Variants in SERPINB6 observed in about 807,000 individuals in gnomAD.
SERPINB6 encodes the protein serpin family B member 6.
A neutral mutation model predicts 26.1 loss-of-function variants in SERPINB6; 16 were observed. The observed-to-expected ratio is 0.61, with a 90% CI of 0.42 to 0.93. The LOEUF is 0.93. SERPINB6 is among the 40% of genes least tolerant of loss of function. The pLI, the probability that SERPINB6 is intolerant of heterozygous loss-of-function variation, is 0.00. For missense variants in SERPINB6, 420 were observed against 478.0 expected (o/e 0.88, Z 1.13); for synonymous variants, 174 against 176.6 (o/e 0.99, Z 0.11).
intron 1 of SERPINB6, among the ~76,000 whole-genome samples, chr6:2,964,865 C>G (rs138362888): frequency 1.4e-3 from 217 of 152,312 alleles, no homozygotes; most frequent in Non-Finnish European, 2.4e-3. Context: ...GGGTAGGGGT[C>G]TCACGCTGTC....
chr6:2,969,099 A>T (rs1771895907), intron 1 of SERPINB6: 3 of 1,073,234 alleles, frequency 2.8e-6, no homozygotes, highest in Non-Finnish European at 2.3e-6. Flanking sequence ...GAGAGATCCA[A>T]ATCCTAAAAG....
Position 2,954,937 on chromosome 6 carries a change from C to T in SERPINB6, c.313-228G>A. The T allele has an allele frequency of 1.4e-5, 7 of 511,892 alleles. 1 individual carries two copies. In the South Asian group the frequency reaches 1.6e-4, roughly 11 times the overall value. The allele number at this position is 511,892 out of a possible 1,614,324, so 31.7% of individuals were successfully genotyped here. ...AGGTACTGTGGCTTACACTTGTAAT[C>T]CCAGCACTTTGGGGGGCCGAGGCGG... On this transcript the variant is annotated intron_variant, in intron 3 of 6. Transcript: ENST00000380539.
rs756177399 is a variant in SERPINB6 at position 2,959,356 on chromosome 6, TA to T, written c.-10-15del. Reference sequence around the variant, plus strand: ...ATGATGGCAGACCTGGAACAAGATTTAAAATCAGTATCACTTAAGCACAGCT... The same window carrying T: ...ATGATGGCAGACCTGGAACAAGATTTAAATCAGTATCACTTAAGCACAGCT... On this transcript the variant is annotated splice_polypyrimidine_tract_variant and intron_variant, in intron 1 of 6. Transcript: ENST00000380539. 1.2e-6 allele frequency: 2 copies of T among 1,612,922 alleles called. No homozygotes were observed. The highest frequency in any genetic ancestry group is 2.2e-5 in the South Asian group (2 of 91,086).
At chr6:2,966,121 T>C (rs921272339) in intron 1 of SERPINB6, among the ~76,000 whole-genome samples, 11 of 152,180 alleles carry the variant, frequency 7.2e-5, no homozygotes, top group Admixed American at 3.9e-4. Context: ...GTTGAATGTT[T>C]AGGCCTTTAA....
At chr6:2,964,986 G>A (rs1202266475) in intron 1 of SERPINB6, among the ~76,000 whole-genome samples, 3 of 152,250 alleles carry the variant, frequency 2.0e-5, no homozygotes, top group South Asian at 4.1e-4. Context: ...ACAGGCACCC[G>A]GCCAAATTCT....
intron 5 of SERPINB6, among the ~76,000 whole-genome samples, chr6:2,951,928 G>A (rs982975752): frequency 3.3e-5 from 5 of 152,286 alleles, no homozygotes; most frequent in African/African-American, 9.6e-5. Flanking sequence ...CGGGACTGCT[G>A]AAGCCAGCTC....
At position 2,971,557 on chromosome 6, in the gene SERPINB6, G is replaced by C. The variant is rs940335998; in HGVS notation, c.-35C>G. 12 of 152,262 alleles carry C rather than the reference G, an allele frequency of 7.9e-5. No individual in the cohort carries two copies. Among genetic ancestry groups the C allele is most frequent in the African/African-American group, 2.9e-4 (12 of 41,456 alleles). The allele number at this position is 152,262 out of a possible 1,614,324, so 9.4% of individuals were successfully genotyped here. A position where few individuals can be genotyped will look rare whatever the true frequency, so the allele number is the denominator to read the frequency against. ...CTCCAGAGCGGGGAGCGAGCGAGCA[G>C]AACGGCGGGCAGAGGCGCCGGAGCC... On this transcript the variant is annotated 5_prime_UTR_variant, in exon 1 of 7. Coordinates refer to ENST00000380539, the MANE Select transcript of SERPINB6 (RefSeq NM_004568.6).
intron 1 of SERPINB6, chr6:2,968,735 A>G (rs548329278): frequency 8.1e-7 from 1 of 1,231,526 alleles, no homozygotes; most frequent in African/African-American, 1.6e-5. Context: ...ATGTCAGTAC[A>G]TAGTTAAGAG....
intron 1 of SERPINB6, chr6:2,969,892 T>C: frequency 1.2e-6 from 1 of 850,234 alleles, no homozygotes; most frequent in Non-Finnish European, 1.4e-6. Flanking sequence ...ATCCCAGCAC[T>C]TTGGGAGGCC....
chr6:2,953,368 ACAT>A (rs1360565538), intron 4 of SERPINB6, among the ~76,000 whole-genome samples, 182 bp from the exon 5 acceptor site: 2 of 152,332 alleles, frequency 1.3e-5, no homozygotes, highest in East Asian at 3.9e-4. Flanking sequence ...GGTACGAAAA[ACAT>A]CATCAATTGA....
chr6:2,955,237 C>A, intron 3 of SERPINB6: 3 of 389,164 alleles, frequency 7.7e-6, no homozygotes, highest in Non-Finnish European at 1.4e-5. Flanking sequence ...TAAGTTGAAT[C>A]AGTCTCTGAA....
intron 1 of SERPINB6, chr6:2,969,482 A>C: frequency 1.0e-6 from 1 of 982,086 alleles, no homozygotes; most frequent in African/African-American, 1.7e-5. Context: ...CTGGATATTA[A>C]AGTCTTATTA....
At position 2,970,902 on chromosome 6, in the gene SERPINB6, C is replaced by T. The variant is rs995917238; in HGVS notation, c.-11+631G>A. The T allele has an allele frequency of 9.8e-6, 12 of 1,229,978 alleles. No individual in the cohort carries two copies. In the East Asian group the frequency reaches 2.8e-4, roughly 29 times the overall value. The allele number at this position is 1,229,978 out of a possible 1,614,324, so 76.2% of individuals were successfully genotyped here. On this transcript the variant is annotated intron_variant, in intron 1 of 6. Transcript: ENST00000380539. ...ACACGATCGTCTCCACAGGTCTGGG[C>T]GACCTGAAAGTGCTGCGGATTGGCC...
At chr6:2,960,556 G>C (rs1348117284) in intron 1 of SERPINB6, 1 of 152,326 alleles carries the variant, frequency 6.6e-6, no homozygotes, top group Admixed American at 6.5e-5. Flanking sequence ...GACAGTCCCA[G>C]TGACTCACTT....
At chr6:2,955,409 C>CAA in intron 3 of SERPINB6, 115 bp downstream of exon 3, 1 of 1,223,176 alleles carries the variant, frequency 8.2e-7, no homozygotes, top group Non-Finnish European at 1.2e-6. Flanking sequence ...AAAGAAATTA[C>CAA]AAAAGCCTAT....
rs1432884754 is a variant in SERPINB6 at position 2,948,520 on chromosome 6, A to G, written c.909T>C (p.Ser303=). ...GAGACAGGTCTGTCTGGGACATTCC[A>G]GAGAAGTCTGCCTTGCCCAGCTCGA... The part of the protein sequence containing the change: ...DAFELGKADF[S]GMSQTDLSLS... Residue 303 remains serine (S), a synonymous_variant, in exon 7 of 7, where the codon TCT becomes TCC. Transcript: ENST00000380539. This position sits in a 1 kb window ranked among gnomAD's most constrained non-coding sequence, Gnocchi z 5.0. 2 of 1,614,130 alleles carry G rather than the reference A, an allele frequency of 1.2e-6. No homozygotes were observed. The highest frequency in any genetic ancestry group is 1.7e-6 in the Non-Finnish European group (2 of 1,180,000).
At chr6:2,969,310 T>C (rs1771918021) in intron 1 of SERPINB6, 1 of 985,356 alleles carries the variant, frequency 1.0e-6, no homozygotes, top group African/African-American at 1.7e-5. Flanking sequence ...ACCTACTTCT[T>C]TAGCTTCAGT....
In SERPINB6 at chr6:2,955,455, T is replaced by A. The variant is rs551156451; in HGVS notation, c.312+69A>T. On this transcript the variant is annotated intron_variant, in intron 3 of 6. Coordinates refer to ENST00000380539, the MANE Select transcript of SERPINB6 (RefSeq NM_004568.6). ...ATGGCATTTAGAGCCACACGCTTCC[T>A]GCTGGGCCCCAGCCCCCACTACCTG... 51 of 1,596,186 alleles carry A rather than the reference T, an allele frequency of 3.2e-5. No individual in the cohort carries two copies. In the African/African-American group the frequency reaches 4.7e-4, roughly 15 times the overall value.
chr6:2,970,949 G>C, intron 1 of SERPINB6: 6 of 1,227,972 alleles, frequency 4.9e-6, no homozygotes, highest in Non-Finnish European at 6.1e-6. Context: ...GGCCAGTCCA[G>C]TGAACACACG....
Sources: gnomAD v4.1 joint callset for allele counts (sites outside exome capture counted in the v4.1 genomes callset) on GRCh38, gnomAD v4.1.1 for gene constraint, Gnocchi (gnomAD v3.1) non-coding constraint, MANE v1.5 for transcripts, NCBI Gene and HGNC (gene_info 2026-07-23, HGNC 2026-07-21) for gene names.